Variants in NEMP2 observed in about 807,000 individuals in gnomAD.
NEMP2 encodes the protein nuclear envelope integral membrane protein 2, also known as UPF0571 transmembrane protein.
In NEMP2, 53 loss-of-function variants were observed where a neutral mutation model predicts 54.2. The observed-to-expected ratio is 0.98, with a 90% CI of 0.78 to 1.23. The LOEUF is 1.23. Among genes scored for constraint, NEMP2 ranks in the 50% most tolerant of loss-of-function variants. The pLI is 0.00. For synonymous variants in NEMP2, 197 were observed against 190.3 expected, an observed-to-expected ratio of 1.04 and a Z score of -0.29; for missense variants, 455 against 511.3, an observed-to-expected ratio of 0.89 and a Z score of 1.06.
chr2:190,452,511 A>G, the NEMP2 span, among the ~76,000 whole-genome samples: 1 of 152,176 alleles, frequency 6.6e-6, no homozygotes, highest in South Asian at 2.1e-4. Context: ...GTTTCCCATG[A>G]TGACACAGCC....
rs1328117120 is a variant in NEMP2 at position 190,521,992 on chromosome 2, C to A, written c.214-2809G>T. Among the ~76,000 whole-genome samples the A allele has an allele frequency of 6.6e-6, 1 of 152,010 alleles. No homozygotes were observed. The highest frequency in any genetic ancestry group is 1.9e-4 in the East Asian group (1 of 5,202). On this transcript the variant is annotated intron_variant, in intron 2 of 8. Transcript: ENST00000409150. The surrounding 1 kb of genome is among the most constrained non-coding windows in gnomAD (Gnocchi z 6.2). ...GCACCATCTATATAAATATGCATCGCTAATTACTTTGCAAAAAAAGACACA... is the reference window on the plus strand; with the variant it reads ...GCACCATCTATATAAATATGCATCGATAATTACTTTGCAAAAAAAGACACA...
At chr2:190,629,926 G>GCTT in the NEMP2 span, 4 of 152,204 alleles carry the variant, frequency 2.6e-5, no homozygotes, top group Admixed American at 6.5e-5. Flanking sequence ...ATAAAACATG[G>GCTT]CTTCGCCAGT....
the NEMP2 span, among the ~76,000 whole-genome samples, chr2:190,623,822 T>G: frequency 6.6e-6 from 1 of 151,990 alleles, no homozygotes; most frequent in Non-Finnish European, 1.5e-5. Context: ...TGGGGTTATA[T>G]CAAGTTTTAA....
chr2:190,499,655 G>C (rs1051296249), downstream of NEMP2, among the ~76,000 whole-genome samples: 2 of 152,232 alleles, frequency 1.3e-5, no homozygotes, highest in African/African-American at 4.8e-5. The surrounding 1 kb of genome is among the most constrained non-coding windows in gnomAD (Gnocchi z 6.0). Context: ...AGCGGCCTGA[G>C]TTTCAGTTAT....
chr2:190,428,797 C>T, the NEMP2 span, among the ~76,000 whole-genome samples: 3 of 152,032 alleles, frequency 2.0e-5, no homozygotes, highest in Admixed American at 6.5e-5. Context: ...CTCAGCCCCC[C>T]GAGTAGCTGG....
At chr2:190,468,658 T>G in the NEMP2 span, among the ~76,000 whole-genome samples, 231 of 148,494 alleles carry the variant, frequency 1.6e-3, no homozygotes, top group African/African-American at 5.3e-3. Flanking sequence ...AGGTTCTCAC[T>G]ATGTTGCCCA....
At chr2:190,637,560 G>C in the NEMP2 span, among the ~76,000 whole-genome samples, 1 of 152,212 alleles carries the variant, frequency 6.6e-6, no homozygotes, top group South Asian at 2.1e-4. This position sits in a 1 kb window ranked among gnomAD's most constrained non-coding sequence, Gnocchi z 4.5. Flanking sequence ...TACTGCTCAT[G>C]TTTATGCTGC....
At chr2:190,516,158 A>T in intron 6 of NEMP2, 112 bp downstream of exon 6, 1 of 672,370 alleles carries the variant, frequency 1.5e-6, no homozygotes, top group Non-Finnish European at 2.4e-6. Context: ...ACCTTTCGTT[A>T]GTTCAAAATG....
the NEMP2 span, among the ~76,000 whole-genome samples, chr2:190,586,443 T>C: frequency 3.3e-5 from 5 of 152,214 alleles, no homozygotes; most frequent in African/African-American, 1.2e-4. The surrounding 1 kb of genome is among the most constrained non-coding windows in gnomAD (Gnocchi z 4.5). Context: ...GGATCATGTA[T>C]TAGATCCTTT....
At chr2:190,547,764 G>C in the NEMP2 span, among the ~76,000 whole-genome samples, 1 of 152,164 alleles carries the variant, frequency 6.6e-6, no homozygotes, top group African/African-American at 2.4e-5. This position sits in a 1 kb window ranked among gnomAD's most constrained non-coding sequence, Gnocchi z 6.2. Context: ...TCAAACTCCT[G>C]ACCTCAGGTG....
At chr2:190,482,886 T>TG in the NEMP2 span, among the ~76,000 whole-genome samples, 1 of 41,216 alleles carries the variant, frequency 2.4e-5, no homozygotes, top group Admixed American at 3.2e-4. Flanking sequence ...TTTTTTTTTT[T>TG]TTTTTTTTTT....
the NEMP2 span, among the ~76,000 whole-genome samples, chr2:190,556,931 C>T: frequency 2.0e-5 from 3 of 152,184 alleles, no homozygotes; most frequent in Admixed American, 6.5e-5. Context: ...ATGCTATCCC[C>T]ATCAAGCTAC....
At chr2:190,438,162 A>G in the NEMP2 span, among the ~76,000 whole-genome samples, 1 of 151,694 alleles carries the variant, frequency 6.6e-6, no homozygotes, top group South Asian at 2.1e-4. This position sits in a 1 kb window ranked among gnomAD's most constrained non-coding sequence, Gnocchi z 5.2. Flanking sequence ...AAGACATAGG[A>G]TATTTGAAAA....
the NEMP2 span, among the ~76,000 whole-genome samples, chr2:190,564,721 C>T: frequency 6.6e-6 from 1 of 152,198 alleles, no homozygotes; most frequent in Non-Finnish European, 1.5e-5. This position sits in a 1 kb window ranked among gnomAD's most constrained non-coding sequence, Gnocchi z 4.2. Flanking sequence ...CATTCAACTG[C>T]CACATGGTGA....
At position 190,512,957 on chromosome 2, in the gene NEMP2, T is replaced by C. The variant is rs768153898; in HGVS notation, c.953+1496A>G. 1.3e-5 allele frequency among the ~76,000 whole-genome samples: 2 copies of C among 152,196 alleles called. No homozygotes were observed. The highest frequency in any genetic ancestry group is 1.9e-4 in the East Asian group (1 of 5,192). On this transcript the variant is annotated intron_variant, in intron 7 of 8. Transcript: ENST00000409150. This position sits in a 1 kb window ranked among gnomAD's most constrained non-coding sequence, Gnocchi z 4.5. ...TTCCATAAACTACCAGTCACCATAGTGTCCTTCCTCACAGCCAATTTTACC... is the reference window on the plus strand; with the variant it reads ...TTCCATAAACTACCAGTCACCATAGCGTCCTTCCTCACAGCCAATTTTACC...
At chr2:190,427,102 C>A in the NEMP2 span, among the ~76,000 whole-genome samples, 1 of 152,214 alleles carries the variant, frequency 6.6e-6, no homozygotes, top group Non-Finnish European at 1.5e-5. Flanking sequence ...GGTGAAAGTC[C>A]TGATTCTCTA....
the NEMP2 span, among the ~76,000 whole-genome samples, chr2:190,581,690 A>G: frequency 6.6e-6 from 1 of 152,326 alleles, no homozygotes; most frequent in Admixed American, 6.5e-5. Context: ...TAGCCAAAAA[A>G]TGATATGTTG....
At chr2:190,635,841 T>C in the NEMP2 span, among the ~76,000 whole-genome samples, 33 of 152,262 alleles carry the variant, frequency 2.2e-4, no homozygotes, top group African/African-American at 7.7e-4. This position sits in a 1 kb window ranked among gnomAD's most constrained non-coding sequence, Gnocchi z 4.1. Context: ...TTTGTACCAA[T>C]TTATACTCTT....
chr2:190,502,763 A>G (rs965272143), downstream of NEMP2, among the ~76,000 whole-genome samples: 1 of 152,230 alleles, frequency 6.6e-6, no homozygotes, highest in Non-Finnish European at 1.5e-5. The surrounding 1 kb of genome is among the most constrained non-coding windows in gnomAD (Gnocchi z 4.4). Context: ...GGAATCTAGG[A>G]AAAGGGAACC....
Sources: allele counts gnomAD v4.1 joint callset (sites outside exome capture counted in the v4.1 genomes callset), GRCh38; gene constraint gnomAD v4.1.1; non-coding constraint Gnocchi (gnomAD v3.1); transcripts MANE v1.5; gene names NCBI Gene and HGNC (gene_info 2026-07-23, HGNC 2026-07-21).